GMDS: variants seen among roughly 807,000 people sequenced by gnomAD.
The protein encoded by GMDS is GDP-mannose 4,6-dehydratase, also known as GDP-mannose 4,6 dehydratase.
A neutral mutation model predicts 49.9 loss-of-function variants in GMDS; 20 were observed. The observed-to-expected ratio is 0.40, with a 90% CI of 0.28 to 0.58. The LOEUF is 0.58. Ranked by LOEUF, GMDS falls within the 20% of genes least tolerant of loss-of-function variation. The pLI is 0.42. For missense variants in GMDS, 362 were observed against 481.4 expected, an observed-to-expected ratio of 0.75 and a Z score of 2.32; for synonymous variants, 177 against 178.6, an observed-to-expected ratio of 0.99 and a Z score of 0.07.
At chr6:2,092,023 A>T (rs1174244188) in intron 4 of GMDS, among the ~76,000 whole-genome samples, 10 of 152,184 alleles carry the variant, frequency 6.6e-5, no homozygotes, top group Admixed American at 6.5e-4. Flanking sequence ...ATTCATGGGA[A>T]CAACCCTTTC....
chr6:1,833,236 G>T lies in GMDS; in HGVS notation c.772-90650C>A, dbSNP rs574092960. Among the ~76,000 whole-genome samples, 1 of 149,688 alleles carries T rather than the reference G, an allele frequency of 6.7e-6. No individual in the cohort carries two copies. The highest frequency in any genetic ancestry group is 2.1e-4 in the South Asian group (1 of 4,682). ...GGGAATTGGCCAAATGTCGTCTCCC[G>T]CTGGGCTTCAATGCCAAAACTACAC... is the stretch of plus-strand genomic sequence containing the variant. On this transcript the variant is annotated intron_variant, in intron 7 of 10. Transcript: ENST00000380815. This position sits in a 1 kb window ranked among gnomAD's most constrained non-coding sequence, Gnocchi z 4.4.
intron 4 of GMDS, among the ~76,000 whole-genome samples, chr6:2,046,746 T>C (rs542951289): frequency 1.3e-5 from 2 of 152,282 alleles, no homozygotes; most frequent in East Asian, 1.9e-4. Flanking sequence ...CAAGCTACAA[T>C]GTTTCTTGAA....
chr6:2,225,017 C>A (rs1188429212), intron 1 of GMDS, among the ~76,000 whole-genome samples: 2 of 152,066 alleles, frequency 1.3e-5, no homozygotes, highest in Non-Finnish European at 2.9e-5. Flanking sequence ...CAGACGCTAC[C>A]TGAGATGAAC....
At chr6:2,052,625 T>C (rs1770486139) in intron 4 of GMDS, among the ~76,000 whole-genome samples, 2 of 152,244 alleles carry the variant, frequency 1.3e-5, no homozygotes, top group Non-Finnish European at 2.9e-5. Flanking sequence ...GTATTCACTC[T>C]TCCAGGTGGT....
intron 4 of GMDS, among the ~76,000 whole-genome samples, chr6:2,060,134 C>T (rs1057127184): frequency 6.6e-6 from 1 of 152,014 alleles, no homozygotes; most frequent in Non-Finnish European, 1.5e-5. Context: ...ACACAAACAC[C>T]CATGTTTGAT....
chr6:2,213,800 A>G (rs1042338248), intron 1 of GMDS, among the ~76,000 whole-genome samples: 8 of 152,222 alleles, frequency 5.3e-5, no homozygotes, highest in African/African-American at 1.9e-4. Flanking sequence ...GGGGTAAACT[A>G]ACACTCTTCA....
chr6:1,653,564 T>C (rs921789084), intron 9 of GMDS, among the ~76,000 whole-genome samples: 3 of 152,106 alleles, frequency 2.0e-5, no homozygotes, highest in African/African-American at 4.8e-5. Flanking sequence ...ACTACAAAGA[T>C]ACAGTAATCA....
intron 8 of GMDS, among the ~76,000 whole-genome samples, chr6:1,741,054 A>T (rs1767251241): frequency 6.6e-6 from 1 of 152,174 alleles, no homozygotes; most frequent in South Asian, 2.1e-4. Flanking sequence ...TAAAATTTTA[A>T]TTGACACATT....
chr6:1,626,174 C>G (rs1360895486), intron 9 of GMDS: 1 of 152,234 alleles, frequency 6.6e-6, no homozygotes, highest in Non-Finnish European at 1.5e-5. Flanking sequence ...ATGTCTGCAC[C>G]GTGGGCTTGC....
intron 1 of GMDS, among the ~76,000 whole-genome samples, chr6:2,225,757 G>T (rs1476151328): frequency 4.6e-5 from 7 of 152,164 alleles, no homozygotes; most frequent in Admixed American, 4.6e-4. Context: ...ATGTTTCCAG[G>T]TATTTGTCAG....
intron 4 of GMDS, among the ~76,000 whole-genome samples, chr6:2,038,134 C>T (rs1769414026): frequency 6.6e-6 from 1 of 152,094 alleles, no homozygotes; most frequent in Admixed American, 6.6e-5. Context: ...GGGCTCGGTC[C>T]CTTTTCATTG....
At chr6:2,186,824 A>G (rs189789419) in intron 1 of GMDS, among the ~76,000 whole-genome samples, 7 of 152,324 alleles carry the variant, frequency 4.6e-5, no homozygotes, top group Admixed American at 2.6e-4. Flanking sequence ...TGCCTAAAAG[A>G]AGTCTGTATT....
At position 2,151,796 on chromosome 6, in the gene GMDS, T is replaced by C. The variant is rs1038232664; in HGVS notation, c.103-27065A>G. 2.7e-4 allele frequency among the ~76,000 whole-genome samples: 41 copies of C among 152,122 alleles called. 2 individuals are homozygous for C. The highest frequency in any genetic ancestry group is 2.9e-5 in the Non-Finnish European group (2 of 67,964). Reference sequence around the variant, plus strand: ...TACTGTAAATTTTTCTTTAAATCCATTCATCTTAATCTTGTTCTAACTAAA... The same window carrying C: ...TACTGTAAATTTTTCTTTAAATCCACTCATCTTAATCTTGTTCTAACTAAA... On this transcript the variant is annotated intron_variant, in intron 1 of 10. Coordinates refer to ENST00000380815, the MANE Select transcript of GMDS (RefSeq NM_001500.4).
At chr6:1,977,390 G>T (rs1764968096) in intron 4 of GMDS, among the ~76,000 whole-genome samples, 1 of 152,158 alleles carries the variant, frequency 6.6e-6, no homozygotes, top group Admixed American at 6.5e-5. Flanking sequence ...TGCCACACAA[G>T]TATCTAGCAA....
rs1774857068 is a variant in GMDS, at chr6:2,116,502, C to A, written c.236-622G>T. Among the ~76,000 whole-genome samples the A allele has an allele frequency of 2.6e-5, 4 of 152,148 alleles. No individual in the cohort carries two copies. The South Asian group carries it at 8.3e-4, about 32-fold the overall frequency. The stretch of plus-strand genomic sequence containing the variant: ...TTCATCATTTTTACATAATATTGAT[C>A]TATATCTACATCCAGTGGCAGGACT... On this transcript the variant is annotated intron_variant, in intron 3 of 10. Coordinates refer to ENST00000380815, the MANE Select transcript of GMDS (RefSeq NM_001500.4).
chr6:2,016,963 AAC>A (rs991541438), intron 4 of GMDS, among the ~76,000 whole-genome samples: 3 of 152,188 alleles, frequency 2.0e-5, no homozygotes, highest in African/African-American at 7.2e-5. Context: ...AAAGATCTAA[AAC>A]ACATAATCTA....
At chr6:2,204,905 A>C (rs1334739403) in intron 1 of GMDS, among the ~76,000 whole-genome samples, 1 of 152,320 alleles carries the variant, frequency 6.6e-6, no homozygotes, top group East Asian at 1.9e-4. Flanking sequence ...TATCTCCTAC[A>C]TAATTACCAT....
chr6:2,205,383 G>A (rs766330011), intron 1 of GMDS, among the ~76,000 whole-genome samples: 6 of 152,222 alleles, frequency 3.9e-5, no homozygotes, highest in Middle Eastern at 3.4e-3. Context: ...ACATCCTGCC[G>A]CCTTCTTACC....
chr6:2,101,153 C>T (rs1773901520), intron 4 of GMDS, among the ~76,000 whole-genome samples: 1 of 151,258 alleles, frequency 6.6e-6, no homozygotes, highest in African/African-American at 2.4e-5. Context: ...TTATAAAAAA[C>T]AGTTTTTTAC....
Sources: gnomAD v4.1 joint callset for allele counts (sites outside exome capture counted in the v4.1 genomes callset) on GRCh38, gnomAD v4.1.1 for gene constraint, Gnocchi (gnomAD v3.1) non-coding constraint, MANE v1.5 for transcripts, NCBI Gene and HGNC (gene_info 2026-07-23, HGNC 2026-07-21) for gene names.